GRB14: variants seen among roughly 807,000 people sequenced by gnomAD.
GRB14 encodes the protein growth factor receptor-bound protein 14.
In GRB14, 38 loss-of-function variants were observed where a neutral mutation model predicts 69.1. The ratio of observed to expected loss-of-function variants is 0.55; its 90% CI spans 0.42 to 0.72. The LOEUF (loss-of-function observed/expected upper bound fraction) is 0.72. Among genes scored for constraint, GRB14 ranks in the 30% least tolerant of loss-of-function variants. GRB14 has a pLI of 0.00. For synonymous variants in GRB14, 247 were observed against 241.3 expected, an observed-to-expected ratio of 1.02 and a Z score of -0.22; for missense variants, 666 against 666.1, an observed-to-expected ratio of 1.00 and a Z score of 0.00.
intron 2 of GRB14, among the ~76,000 whole-genome samples, chr2:164,569,172 T>TA (rs1689064636): frequency 6.6e-6 from 1 of 152,132 alleles, no homozygotes; most frequent in South Asian, 2.1e-4. Context: ...TAAAAGCATT[T>TA]AAAAAATAAC....
intron 5 of GRB14, among the ~76,000 whole-genome samples, chr2:164,522,444 G>A (rs149739907): frequency 1.3e-5 from 2 of 152,232 alleles, no homozygotes; most frequent in East Asian, 3.9e-4. Context: ...ATAGTACATA[G>A]TTATCTAACT....
At chr2:164,607,951 A>G (rs965901682) in intron 2 of GRB14, among the ~76,000 whole-genome samples, 2 of 152,182 alleles carry the variant, frequency 1.3e-5, no homozygotes, top group African/African-American at 4.8e-5. Context: ...TTAAGGCTTC[A>G]GATTTAGTTT....
chr2:164,608,604 A>C (rs1690095711), intron 2 of GRB14, among the ~76,000 whole-genome samples: 1 of 151,976 alleles, frequency 6.6e-6, no homozygotes, highest in African/African-American at 2.4e-5. Context: ...AAAAGAAAAA[A>C]AGTTAAATTA....
chr2:164,560,440 G>A (rs1420200016), intron 2 of GRB14, among the ~76,000 whole-genome samples: 4 of 151,992 alleles, frequency 2.6e-5, no homozygotes, highest in Admixed American at 6.6e-5. Context: ...ATCATGTTTC[G>A]AAAACTGCAA....
intron 3 of GRB14, among the ~76,000 whole-genome samples, chr2:164,547,233 C>A (rs1363777806): frequency 6.6e-6 from 1 of 152,174 alleles, no homozygotes; most frequent in African/African-American, 2.4e-5. Context: ...GTGACCCCAG[C>A]AAGACAGCGA....
At chr2:164,547,977 T>A (rs1335406815) in intron 2 of GRB14, among the ~76,000 whole-genome samples, 161 bp from the exon 3 acceptor site, 1 of 152,198 alleles carries the variant, frequency 6.6e-6, no homozygotes, top group Non-Finnish European at 1.5e-5. Context: ...GTCTATCACC[T>A]CACATAGCTA....
At chr2:164,518,150 T>A (rs563388283) in intron 6 of GRB14, among the ~76,000 whole-genome samples, 6 of 152,296 alleles carry the variant, frequency 3.9e-5, no homozygotes, top group Non-Finnish European at 7.4e-5. Flanking sequence ...TTTTTAAAAA[T>A]TGAAATTATT....
At chr2:164,588,637 CAAGT>C (rs1295824322) in intron 2 of GRB14, among the ~76,000 whole-genome samples, 2 of 152,102 alleles carry the variant, frequency 1.3e-5, no homozygotes, top group African/African-American at 4.8e-5. Flanking sequence ...ATATATGCAG[CAAGT>C]GAGTGAAATC....
At chr2:164,501,933 T>C (rs1274857994) in intron 9 of GRB14, among the ~76,000 whole-genome samples, 2 of 151,990 alleles carry the variant, frequency 1.3e-5, no homozygotes, top group East Asian at 1.9e-4. Context: ...CTATAAATTA[T>C]ATTTTTAAGA....
At chr2:164,569,272 G>A (rs1213112367) in intron 2 of GRB14, among the ~76,000 whole-genome samples, 2 of 152,062 alleles carry the variant, frequency 1.3e-5, no homozygotes, top group African/African-American at 4.8e-5. Flanking sequence ...TCTAGGGGAG[G>A]GAGGCTGGAG....
rs537913705 is a variant in GRB14 at position 164,533,224 on chromosome 2, C to CTT, written c.482-6091_482-6090dup. 3.8e-3 allele frequency among the ~76,000 whole-genome samples: 306 copies of CTT among 80,374 alleles called. 22 individuals carry two copies. The highest frequency in any genetic ancestry group is 8.0e-3 in the African/African-American group (160 of 20,078). The allele number at this position is 80,374 out of a possible 152,430, so 52.7% of individuals were successfully genotyped here. A position where few individuals can be genotyped will look rare whatever the true frequency, so the allele number is the denominator to read the frequency against. On this transcript the variant is annotated intron_variant, in intron 3 of 13. Transcript: ENST00000263915. ...TTCTCTACCTTAGTTGTTTCCAATTCTTTTTTTTTTTTTTTTTTTTTTTTT... is the reference window on the plus strand; with the variant it reads ...TTCTCTACCTTAGTTGTTTCCAATTCTTTTTTTTTTTTTTTTTTTTTTTTTTT...
chr2:164,568,602 G>A (rs1321022162), intron 2 of GRB14: 1 of 291,608 alleles, frequency 3.4e-6, no homozygotes, highest in East Asian at 1.7e-4. Context: ...CCCCGCCTTT[G>A]TCCTTGGAAA....
intron 3 of GRB14, among the ~76,000 whole-genome samples, chr2:164,544,011 T>TA (rs1191312618): frequency 1.3e-5 from 2 of 152,164 alleles, no homozygotes; most frequent in Non-Finnish European, 2.9e-5. Flanking sequence ...TTTAAACATA[T>TA]AATCTGAGTG....
At chr2:164,604,023 C>G (rs929318817) in intron 2 of GRB14, among the ~76,000 whole-genome samples, 20 of 152,150 alleles carry the variant, frequency 1.3e-4, no homozygotes, top group African/African-American at 4.3e-4. Context: ...CAAGGTAATG[C>G]AAATGAACAC....
intron 2 of GRB14, among the ~76,000 whole-genome samples, chr2:164,565,527 A>T (rs562444435): frequency 6.6e-6 from 1 of 152,198 alleles, no homozygotes; most frequent in African/African-American, 2.4e-5. Context: ...TTCTATTTCT[A>T]GCTCTGCCAC....
At chr2:164,562,142 A>G (rs531566696) in intron 2 of GRB14, among the ~76,000 whole-genome samples, 1 of 152,286 alleles carries the variant, frequency 6.6e-6, no homozygotes, top group East Asian at 1.9e-4. Flanking sequence ...ATCAAAAGTA[A>G]CAAGTTCTCA....
At position 164,493,157 on chromosome 2, in the gene GRB14, T is replaced by G; in HGVS notation, c.1502A>C (p.His501Pro). ...TCTTGTGTGGCCATCATCCAGTGTG[T>G]GGAACATTTCACCGTCATCTTCTAC... is the stretch of plus-strand genomic sequence containing the variant. ...IPVEDDGEMF[H>P]TLDDGHTRFT... The change falls in exon 14 of 14, where the codon CAC (histidine) becomes CCC (proline). Residue 501 changes from histidine to proline, a missense_variant. Physicochemically the swap from His to Pro is moderately conservative, Grantham distance 77 (BLOSUM62 -2). Coordinates refer to ENST00000263915, the MANE Select transcript of GRB14 (RefSeq NM_004490.3). 1 of 1,613,274 alleles carries G rather than the reference T, an allele frequency of 6.2e-7. No homozygotes were observed. The highest frequency in any genetic ancestry group is 1.3e-5 in the African/African-American group (1 of 75,026).
At chr2:164,581,486 C>T (rs975249107) in intron 2 of GRB14, among the ~76,000 whole-genome samples, 2 of 152,096 alleles carry the variant, frequency 1.3e-5, no homozygotes, top group Non-Finnish European at 2.9e-5. Context: ...GGAGTCAAAG[C>T]GATTCAGGAC....
At chr2:164,531,888 G>A (rs1687949190) in intron 3 of GRB14, among the ~76,000 whole-genome samples, 1 of 152,156 alleles carries the variant, frequency 6.6e-6, no homozygotes, top group Non-Finnish European at 1.5e-5. Context: ...CCTTCACCAA[G>A]CATGACAGAG....
Sources: gnomAD v4.1 joint callset for allele counts (sites outside exome capture counted in the v4.1 genomes callset) on GRCh38, gnomAD v4.1.1 for gene constraint, MANE v1.5 for transcripts, NCBI Gene and HGNC (gene_info 2026-07-23, HGNC 2026-07-21) for gene names.